AGBL4: variants seen among roughly 807,000 people sequenced by gnomAD.
The protein encoded by AGBL4 is cytosolic carboxypeptidase 6.
AGBL4 carries 58 observed loss-of-function variants against 66.4 expected under a neutral mutation model. That is an observed-to-expected ratio of 0.87 (90% CI 0.71 to 1.09). AGBL4 has a LOEUF of 1.09. AGBL4 is among the 50% of genes least tolerant of loss of function. The pLI is 0.00. For missense variants in AGBL4, 579 were observed against 631.0 expected (o/e 0.92, Z 0.88); for synonymous variants, 234 against 222.9 (o/e 1.05, Z -0.44).
intron 6 of AGBL4, among the ~76,000 whole-genome samples, chr1:48,795,616 C>T (rs534045147): frequency 1.3e-5 from 2 of 152,306 alleles, no homozygotes; most frequent in South Asian, 4.1e-4. Flanking sequence ...ACCAGTTCTA[C>T]ATATATTCAT....
intron 5 of AGBL4, among the ~76,000 whole-genome samples, chr1:49,023,174 C>G (rs1244246306): frequency 6.6e-6 from 1 of 152,142 alleles, no homozygotes; most frequent in Non-Finnish European, 1.5e-5. Flanking sequence ...AGGGCTCAGG[C>G]CATCTTGGGA....
chr1:49,439,252 C>A (rs1396308409), intron 3 of AGBL4, among the ~76,000 whole-genome samples: 2 of 152,130 alleles, frequency 1.3e-5, no homozygotes, highest in Non-Finnish European at 2.9e-5. Context: ...GAAAGTATAT[C>A]ATGACTGGGT....
At chr1:48,885,701 TA>T (rs568882999) in intron 5 of AGBL4, among the ~76,000 whole-genome samples, 1 of 152,210 alleles carries the variant, frequency 6.6e-6, no homozygotes, top group Non-Finnish European at 1.5e-5. Context: ...CTCTTGGGTA[TA>T]GGGGTAGTTG....
At chr1:49,582,852 T>G (rs1644571402) in intron 3 of AGBL4, among the ~76,000 whole-genome samples, 1 of 152,164 alleles carries the variant, frequency 6.6e-6, no homozygotes, top group Admixed American at 6.5e-5. Context: ...AACAATAACA[T>G]AATTTTTCAG....
At chr1:49,235,231 C>T (rs958975774) in intron 4 of AGBL4, among the ~76,000 whole-genome samples, 1 of 152,168 alleles carries the variant, frequency 6.6e-6, no homozygotes, top group Admixed American at 6.5e-5. Flanking sequence ...CCCACAAATA[C>T]TAGGTTTTCT....
At chr1:49,370,155 ATT>A (rs1169515211) in intron 3 of AGBL4, among the ~76,000 whole-genome samples, 1 of 137,238 alleles carries the variant, frequency 7.3e-6, no homozygotes. Context: ...TTATATATAT[ATT>A]ATATATAATA....
At chr1:48,524,910 T>C in the AGBL4 span, among the ~76,000 whole-genome samples, 1 of 151,744 alleles carries the variant, frequency 6.6e-6, no homozygotes, top group Non-Finnish European at 1.5e-5. Flanking sequence ...CACAACTTCC[T>C]ATATGGGCCT....
chr1:48,575,454 T>G (rs571478656), intron 11 of AGBL4, among the ~76,000 whole-genome samples: 2 of 152,264 alleles, frequency 1.3e-5, no homozygotes, highest in Admixed American at 1.3e-4. Flanking sequence ...CCCATTCAAC[T>G]CATCCTGCCC....
intron 4 of AGBL4, among the ~76,000 whole-genome samples, chr1:49,228,182 T>G (rs1650049115): frequency 1.3e-5 from 2 of 152,210 alleles, no homozygotes; most frequent in Admixed American, 6.5e-5. Flanking sequence ...CAGTAAATAT[T>G]TATTAAAGGT....
chr1:49,441,331 CA>C (rs1273710650), intron 3 of AGBL4, among the ~76,000 whole-genome samples: 2 of 152,114 alleles, frequency 1.3e-5, no homozygotes, highest in African/African-American at 2.4e-5. Flanking sequence ...TTGATTTAGG[CA>C]CACTAAGAAG....
At chr1:48,807,739 A>G (rs1645958743) in intron 6 of AGBL4, among the ~76,000 whole-genome samples, 2 of 152,194 alleles carry the variant, frequency 1.3e-5, no homozygotes, top group African/African-American at 4.8e-5. Flanking sequence ...ACACATCTGC[A>G]TATCAGAAGG....
intron 1 of AGBL4, among the ~76,000 whole-genome samples, chr1:49,940,106 C>A (rs1266009463): frequency 1.3e-5 from 2 of 152,198 alleles, no homozygotes; most frequent in South Asian, 2.1e-4. Flanking sequence ...AAAAAATGCT[C>A]ATCATCACTG....
In AGBL4 at chr1:49,700,883, T is replaced by C. The variant is rs955860975; in HGVS notation, c.158-3446A>G. Among the ~76,000 whole-genome samples, 5 of 151,936 alleles carry C rather than the reference T, an allele frequency of 3.3e-5. No homozygotes were observed. The South Asian group carries it at 1.0e-3, about 32-fold the overall frequency. On this transcript the variant is annotated intron_variant, in intron 2 of 13. Transcript: ENST00000371839. ...TCTGTTTTAAAGAGGTAAAAAAAGATGGTATTTTCAAAACAAAAAGCAGAG... is the reference window on the plus strand; with the variant it reads ...TCTGTTTTAAAGAGGTAAAAAAAGACGGTATTTTCAAAACAAAAAGCAGAG...
At chr1:49,231,905 T>C (rs1650339960) in intron 4 of AGBL4, among the ~76,000 whole-genome samples, 1 of 152,226 alleles carries the variant, frequency 6.6e-6, no homozygotes, top group Non-Finnish European at 1.5e-5. Context: ...AGCTTTGTGT[T>C]ACATGACTTT....
chr1:48,758,766 C>A, intron 6 of AGBL4: 1 of 738,928 alleles, frequency 1.4e-6, no homozygotes. Context: ...CTTGAGGTAA[C>A]TGGTAAGCCA....
At chr1:49,452,746 G>C (rs1199112610) in intron 3 of AGBL4, among the ~76,000 whole-genome samples, 1 of 151,710 alleles carries the variant, frequency 6.6e-6, no homozygotes, top group Non-Finnish European at 1.5e-5. Context: ...TGAGCTCTCT[G>C]ACTATAGACT....
chr1:49,630,127 T>C (rs1328650155), intron 3 of AGBL4, among the ~76,000 whole-genome samples: 2 of 152,116 alleles, frequency 1.3e-5, no homozygotes, highest in African/African-American at 2.4e-5. Context: ...CAGAGCATCA[T>C]TATCATAAAC....
intron 1 of AGBL4, among the ~76,000 whole-genome samples, chr1:49,917,320 T>G (rs1016154849): frequency 5.9e-5 from 9 of 151,916 alleles, no homozygotes; most frequent in Non-Finnish European, 1.3e-4. Flanking sequence ...GATCCATCAG[T>G]GTGCTGTATT....
At chr1:49,725,688 T>G (rs984706155) in intron 2 of AGBL4, among the ~76,000 whole-genome samples, 2 of 146,930 alleles carry the variant, frequency 1.4e-5, no homozygotes, top group Non-Finnish European at 3.0e-5. Context: ...GTGGGTTTTT[T>G]TTTTTTTTTT....
Sources: allele counts gnomAD v4.1 joint callset (sites outside exome capture counted in the v4.1 genomes callset), GRCh38; gene constraint gnomAD v4.1.1; transcripts MANE v1.5; gene names NCBI Gene and HGNC (gene_info 2026-07-23, HGNC 2026-07-21).